SPON1: variants seen among roughly 807,000 people sequenced by gnomAD.
SPON1 encodes spondin-1.
In SPON1, 52 loss-of-function variants were observed where a neutral mutation model predicts 111.7. That is an observed-to-expected ratio of 0.47 (90% CI 0.37 to 0.59). SPON1 has a LOEUF of 0.59. Ranked by LOEUF, SPON1 falls within the 20% of genes least tolerant of loss-of-function variation. SPON1 has a pLI of 0.00. For missense variants in SPON1, 957 were observed against 1,068.5 expected (o/e 0.90, Z 1.46); for synonymous variants, 410 against 395.8 (o/e 1.04, Z -0.43).
chr11:13,986,355 C>G (rs570778096), intron 2 of SPON1, among the ~76,000 whole-genome samples: 1 of 152,132 alleles, frequency 6.6e-6, no homozygotes, highest in Non-Finnish European at 1.5e-5. Flanking sequence ...ACAACAACCA[C>G]AAAATTCTAA....
intron 1 of SPON1, among the ~76,000 whole-genome samples, chr11:13,973,423 C>G (rs544100964): frequency 6.6e-6 from 1 of 152,350 alleles, no homozygotes; most frequent in Admixed American, 6.5e-5. Flanking sequence ...GCTGACACAT[C>G]TCTACCTCCC....
chr11:14,073,979 C>G (rs1255458084), intron 3 of SPON1, among the ~76,000 whole-genome samples: 1 of 152,148 alleles, frequency 6.6e-6, no homozygotes, highest in Non-Finnish European at 1.5e-5. Flanking sequence ...CTGCCCCTTC[C>G]CCTCCACAGA....
chr11:14,033,957 G>A (rs1005451875), intron 2 of SPON1, among the ~76,000 whole-genome samples: 1 of 152,092 alleles, frequency 6.6e-6, no homozygotes, highest in African/African-American at 2.4e-5. Context: ...ACCCAAGAAG[G>A]TTTATTTAAA....
intron 3 of SPON1, among the ~76,000 whole-genome samples, chr11:14,068,663 C>T (rs1413233057): frequency 6.6e-6 from 1 of 152,224 alleles, no homozygotes; most frequent in Non-Finnish European, 1.5e-5. Context: ...CCAAGTCCAA[C>T]TCCTGTGCCA....
chr11:14,018,105 G>A (rs1848456149), intron 2 of SPON1, among the ~76,000 whole-genome samples: 1 of 152,130 alleles, frequency 6.6e-6, no homozygotes, highest in African/African-American at 2.4e-5. Context: ...CATGGAACAA[G>A]GTACTATTTA....
chr11:14,134,701 A>G (rs1202537755), intron 5 of SPON1, among the ~76,000 whole-genome samples: 1 of 152,048 alleles, frequency 6.6e-6, no homozygotes, highest in Non-Finnish European at 1.5e-5. Flanking sequence ...CTCCACTCCA[A>G]CTGTGCTCTC....
chr11:14,002,587 T>C (rs9666215), intron 2 of SPON1, among the ~76,000 whole-genome samples: 26,045 of 151,978 alleles, frequency 0.17, 3,450 homozygotes, highest in African/African-American at 0.37. Context: ...GGAAGGATCG[T>C]GTAGCAGCAG....
At chr11:13,973,403 C>T (rs558170355) in intron 1 of SPON1, among the ~76,000 whole-genome samples, 45 of 152,342 alleles carry the variant, frequency 3.0e-4, no homozygotes, top group African/African-American at 9.1e-4. Context: ...TTCCCAGCTA[C>T]GTTCTCTTGG....
chr11:14,262,526 T>C (rs1849197463), intron 14 of SPON1, 186 bp from the exon 15 acceptor site: 5 of 709,480 alleles, frequency 7.0e-6, no homozygotes, highest in Non-Finnish European at 1.2e-5. Context: ...CTGCCTCTGC[T>C]GCTTACCAAC....
chr11:14,166,065 G>A (rs1439429679), intron 6 of SPON1, among the ~76,000 whole-genome samples: 1 of 151,856 alleles, frequency 6.6e-6, no homozygotes, highest in East Asian at 1.9e-4. Flanking sequence ...CACAGGTCAG[G>A]AACCTGGTAC....
intron 2 of SPON1, among the ~76,000 whole-genome samples, chr11:13,994,978 T>G (rs1554911622): frequency 2.0e-5 from 3 of 152,252 alleles, no homozygotes. Flanking sequence ...TTTTCTTTCT[T>G]TCATTCATTT....
intron 2 of SPON1, among the ~76,000 whole-genome samples, chr11:14,036,619 AC>A (rs1333236842): frequency 6.6e-6 from 1 of 152,374 alleles, no homozygotes; most frequent in East Asian, 1.9e-4. Context: ...GAAGCAGCCA[AC>A]ACTAGAAATA....
intron 5 of SPON1, among the ~76,000 whole-genome samples, chr11:14,107,590 GAA>G (rs3047369): frequency 0.59 from 70,071 of 118,682 alleles, 18,954 homozygotes; most frequent in East Asian, 0.76. Context: ...AGATCCTCAG[GAA>G]AAAAAAAAAA....
intron 5 of SPON1, among the ~76,000 whole-genome samples, chr11:14,111,861 A>G (rs572478614): frequency 2.0e-5 from 3 of 152,288 alleles, no homozygotes; most frequent in Admixed American, 6.5e-5. Flanking sequence ...CTCTTTTGAA[A>G]TGCTTATTTT....
intron 5 of SPON1, among the ~76,000 whole-genome samples, chr11:14,091,862 C>G (rs1554923435): frequency 6.6e-6 from 1 of 151,898 alleles, no homozygotes; most frequent in African/African-American, 2.4e-5. Context: ...AGCGAGGGCT[C>G]TGAGGACTGC....
intron 6 of SPON1, among the ~76,000 whole-genome samples, chr11:14,191,183 G>C (rs782196716): frequency 6.6e-5 from 10 of 152,138 alleles, no homozygotes; most frequent in Non-Finnish European, 1.3e-4. Context: ...CCCTCTCTGA[G>C]TCCGCTGCTG....
intron 5 of SPON1, among the ~76,000 whole-genome samples, chr11:14,098,445 T>C (rs1849118814): frequency 6.6e-6 from 1 of 152,264 alleles, no homozygotes; most frequent in Non-Finnish European, 1.5e-5. Flanking sequence ...TGTTTTTTCC[T>C]TCCTTTAGTA....
Position 14,256,674 on chromosome 11 carries a change from C to T in SPON1, c.1291C>T (p.Pro431Ser). The T allele has an allele frequency of 6.2e-7, 1 of 1,613,374 alleles. No homozygotes were observed. ...CGATGATATTGTAGCTGACCTGGCTCCAGAAGAGAAAGATGAAGGTACGTT... is the reference window on the plus strand; with the variant it reads ...CGATGATATTGTAGCTGACCTGGCTTCAGAAGAGAAAGATGAAGGTACGTT... ...NVDDIVADLA[P>S]EEKDEDDTPE... is the part of the protein sequence containing the mutation. Residue 431 changes from proline (P) to serine (S), a missense_variant, in exon 10 of 16, where the codon CCA becomes TCA. Physicochemically the swap from Pro to Ser is moderately conservative, Grantham distance 74. Around this residue, in one of 5 missense-constraint regions of SPON1, gnomAD observed 549 missense variants for 606.2 expected, o/e 0.91. Coordinates refer to ENST00000576479, the MANE Select transcript of SPON1 (RefSeq NM_006108.4).
chr11:14,123,209 A>C (rs1249102843), intron 5 of SPON1, among the ~76,000 whole-genome samples: 1 of 152,092 alleles, frequency 6.6e-6, no homozygotes, highest in African/African-American at 2.4e-5. Flanking sequence ...CTGGGATTAC[A>C]GGCATGAGCA....
Sources: gnomAD v4.1 joint callset for allele counts (sites outside exome capture counted in the v4.1 genomes callset) on GRCh38, gnomAD v4.1.1 for gene constraint, gnomAD v4.1.1 regional missense constraint, MANE v1.5 for transcripts, NCBI Gene and HGNC (gene_info 2026-07-23, HGNC 2026-07-21) for gene names.